Variants in CDK8 observed in about 807,000 individuals in gnomAD.
The protein encoded by CDK8 is cyclin dependent kinase 8.
CDK8 carries 29 observed loss-of-function variants against 71.5 expected under a neutral mutation model. The ratio of observed to expected loss-of-function variants is 0.41; its 90% CI spans 0.30 to 0.55. The LOEUF (loss-of-function observed/expected upper bound fraction) is 0.55, where lower values mean the gene tolerates loss of function less well. Ranked by LOEUF, CDK8 falls within the 20% of genes least tolerant of loss-of-function variation. CDK8 has a pLI of 0.37. For synonymous variants in CDK8, 161 were observed against 192.1 expected (o/e 0.84, Z 1.34); for missense variants, 288 against 572.6 (o/e 0.50, Z 5.07).
chr13:26,304,806 T>A (rs1873970200), intron 1 of CDK8, among the ~76,000 whole-genome samples: 4 of 151,540 alleles, frequency 2.6e-5, no homozygotes, highest in Admixed American at 1.3e-4. Flanking sequence ...CCAGCTAATT[T>A]AAATTTTTTT....
intron 4 of CDK8, among the ~76,000 whole-genome samples, chr13:26,372,279 T>C (rs1378421834): frequency 6.6e-6 from 1 of 152,188 alleles, no homozygotes; most frequent in East Asian, 1.9e-4. Context: ...ATACATTCAT[T>C]GCAAATTGAA....
intron 1 of CDK8, among the ~76,000 whole-genome samples, chr13:26,293,170 C>G (rs1259868290): frequency 6.6e-6 from 1 of 152,020 alleles, no homozygotes; most frequent in Non-Finnish European, 1.5e-5. Context: ...GTCTTTCAAA[C>G]CTTGTATTTA....
At chr13:26,313,041 T>C (rs1042451959) in intron 1 of CDK8, among the ~76,000 whole-genome samples, 1 of 152,202 alleles carries the variant, frequency 6.6e-6, no homozygotes, top group Admixed American at 6.5e-5. Flanking sequence ...TACTTGCCTG[T>C]TTTTGACACA....
chr13:26,330,108 A>G lies in CDK8; in HGVS notation c.129-7459A>G, dbSNP rs150004991. Among the ~76,000 whole-genome samples, 36 of 152,316 alleles carry G rather than the reference A, an allele frequency of 2.4e-4. No homozygotes were observed. The East Asian group carries it at 6.9e-3, about 29-fold the overall frequency. ...CATTTGTTACATGTATATAATACAT[A>G]GTGATCAAATCAGGGAATTCTGGAT... On this transcript the variant is annotated intron_variant, in intron 1 of 12. Coordinates refer to ENST00000381527, the MANE Select transcript of CDK8 (RefSeq NM_001260.3).
rs369744258 is a variant in CDK8, at chr13:26,270,194, A to G, written c.128+15425A>G. 1.4e-4 allele frequency among the ~76,000 whole-genome samples: 21 copies of G among 152,160 alleles called. No individual in the cohort carries two copies. In the South Asian group the frequency reaches 4.4e-3, roughly 32 times the overall value. On this transcript the variant is annotated intron_variant, in intron 1 of 12. Coordinates refer to ENST00000381527, the MANE Select transcript of CDK8 (RefSeq NM_001260.3). ...CACCTGAGGTCAGGAGTTTGAGACC[A>G]GCCTAATCAACATGTGAAACCCTAT...
At chr13:26,306,622 C>CTTT (rs554661537) in intron 1 of CDK8, among the ~76,000 whole-genome samples, 2 of 126,726 alleles carry the variant, frequency 1.6e-5, no homozygotes, top group Admixed American at 7.9e-5. Context: ...CCTTATTGCT[C>CTTT]TTTTTTTTTT....
chr13:26,336,559 T>TC (rs1274774240), intron 1 of CDK8, among the ~76,000 whole-genome samples: 1 of 147,042 alleles, frequency 6.8e-6, no homozygotes, highest in East Asian at 2.0e-4. Context: ...TCTTTTTTTT[T>TC]TTTTTTTTTT....
intron 6 of CDK8, among the ~76,000 whole-genome samples, chr13:26,386,647 C>T (rs1244004412): frequency 6.6e-5 from 10 of 152,110 alleles, no homozygotes; most frequent in Admixed American, 6.5e-4. Flanking sequence ...GGAACTGTAT[C>T]TTAGAGGTAA....
At chr13:26,278,370 AAGAAATATAGACAGTGT>A (rs1458561465) in intron 1 of CDK8, among the ~76,000 whole-genome samples, 2 of 152,188 alleles carry the variant, frequency 1.3e-5, no homozygotes, top group South Asian at 2.1e-4. Flanking sequence ...ATGGTCATGA[AAGAAATATAGACAGTGT>A]AGAAGGGCAT....
intron 1 of CDK8, among the ~76,000 whole-genome samples, chr13:26,331,583 T>G (rs973556509): frequency 6.6e-6 from 1 of 152,228 alleles, no homozygotes; most frequent in Non-Finnish European, 1.5e-5. Context: ...TTTTCCCTGA[T>G]ACAAGTTTTT....
chr13:26,363,190 C>T (rs1444028756), intron 4 of CDK8, among the ~76,000 whole-genome samples: 2 of 150,052 alleles, frequency 1.3e-5, no homozygotes, highest in Admixed American at 6.6e-5. Flanking sequence ...TAGCCAGGTG[C>T]GGTGACAGGA....
At position 26,312,920 on chromosome 13, in the gene CDK8, T is replaced by A. The variant is rs9581631; in HGVS notation, c.129-24647T>A. On this transcript the variant is annotated intron_variant, in intron 1 of 12. Transcript: ENST00000381527. Reference sequence around the variant, plus strand: ...CAGATGTCACTCATGTACAGTGGATTCCTGTGTCTGCAATTTGCATCTTGG... The same window carrying A: ...CAGATGTCACTCATGTACAGTGGATACCTGTGTCTGCAATTTGCATCTTGG... Among the ~76,000 whole-genome samples, 1,028 of 152,348 alleles carry A rather than the reference T, an allele frequency of 6.7e-3. 8 individuals are homozygous for A. The highest frequency in any genetic ancestry group is 0.024 in the Middle Eastern group (7 of 294).
intron 1 of CDK8, among the ~76,000 whole-genome samples, chr13:26,290,529 A>G (rs979053023): frequency 6.6e-6 from 1 of 152,150 alleles, no homozygotes; most frequent in African/African-American, 2.4e-5. Context: ...TAAAAGAGCA[A>G]TTGGAGTGTG....
intron 2 of CDK8, among the ~76,000 whole-genome samples, chr13:26,344,362 G>A (rs1468315446): frequency 6.6e-6 from 1 of 152,178 alleles, no homozygotes; most frequent in East Asian, 1.9e-4. Flanking sequence ...ACAAATGCAT[G>A]TTTCTTTTCG....
chr13:26,346,492 C>T (rs1206280839), intron 2 of CDK8, among the ~76,000 whole-genome samples: 1 of 152,220 alleles, frequency 6.6e-6, no homozygotes, highest in Non-Finnish European at 1.5e-5. Flanking sequence ...AAATAGCTGT[C>T]TAGCTTAGGA....
chr13:26,339,607 T>A (rs528149145), intron 2 of CDK8, among the ~76,000 whole-genome samples: 20 of 150,518 alleles, frequency 1.3e-4, no homozygotes, highest in African/African-American at 3.9e-4. Flanking sequence ...TTTTTTTTTT[T>A]TAAAAAGCTT....
In CDK8 at chr13:26,298,309, G is replaced by GA. The variant is rs527845761; in HGVS notation, c.129-39252dup. 2.1e-4 allele frequency among the ~76,000 whole-genome samples: 32 copies of GA among 152,154 alleles called. No homozygotes were observed. The East Asian group carries it at 4.8e-3, about 23-fold the overall frequency. ...ATTATTGGGGAATGGTTGAGCCCCA[G>GA]AAAAAATTGATCTCATTGTTATTAA... On this transcript the variant is annotated intron_variant, in intron 1 of 12. Transcript: ENST00000381527.
At chr13:26,255,964 A>C (rs1871506023) in intron 1 of CDK8, among the ~76,000 whole-genome samples, 1 of 152,196 alleles carries the variant, frequency 6.6e-6, no homozygotes, top group Non-Finnish European at 1.5e-5. Context: ...GTTGGAAAGG[A>C]AAGTGTATAT....
intron 1 of CDK8, among the ~76,000 whole-genome samples, chr13:26,323,379 AC>A: frequency 7.2e-6 from 1 of 138,070 alleles, no homozygotes; most frequent in South Asian, 2.3e-4. Flanking sequence ...GGGAGAGGGA[AC>A]AAGCAAGCGC....
Sources: gnomAD v4.1 joint callset for allele counts (sites outside exome capture counted in the v4.1 genomes callset) on GRCh38, gnomAD v4.1.1 for gene constraint, MANE v1.5 for transcripts, NCBI Gene and HGNC (gene_info 2026-07-23, HGNC 2026-07-21) for gene names.